MMRN1: variants seen among roughly 807,000 people sequenced by gnomAD.
MMRN1 encodes the protein multimerin 1.
A neutral mutation model predicts 100.7 loss-of-function variants in MMRN1; 94 were observed. The observed-to-expected ratio is 0.93, with a 90% CI of 0.79 to 1.11. MMRN1 has a LOEUF of 1.11. Among genes scored for constraint, MMRN1 ranks in the 50% least tolerant of loss-of-function variants. The probability of loss-of-function intolerance (pLI) is 0.00; values close to 1 mark genes in which losing one functional copy is unlikely to be tolerated. For synonymous variants in MMRN1, 575 were observed against 505.0 expected, an observed-to-expected ratio of 1.14 and a Z score of -1.86; for missense variants, 1,606 against 1,439.1, an observed-to-expected ratio of 1.12 and a Z score of -1.88.
In MMRN1 at chr4:89,952,986, T is replaced by C; in HGVS notation, c.3266-11T>C. On this transcript the variant is annotated splice_polypyrimidine_tract_variant and intron_variant, in intron 7 of 7. Transcript: ENST00000264790. ...ATGAAAATTAACTCTTGCCATTTTT[T>C]CCTCTAACAGATTTTTCCAAAGGAT... 2 of 1,550,732 alleles carry C rather than the reference T, an allele frequency of 1.3e-6. No individual in the cohort carries two copies. The highest frequency in any genetic ancestry group is 1.7e-6 in the Non-Finnish European group (2 of 1,150,366).
At chr4:89,949,480 A>G (rs914561903) in intron 6 of MMRN1, among the ~76,000 whole-genome samples, 4 of 152,328 alleles carry the variant, frequency 2.6e-5, no homozygotes, top group South Asian at 2.1e-4. Flanking sequence ...TCACATTACT[A>G]TAAGTAATGA....
intron 1 of MMRN1, among the ~76,000 whole-genome samples, chr4:89,882,522 T>C (rs567424174): frequency 1.3e-5 from 2 of 151,986 alleles, no homozygotes; most frequent in Non-Finnish European, 2.9e-5. Context: ...AATGCTCTTT[T>C]GCATTTTTTT....
At chr4:89,926,048 T>C (rs1176296074) in intron 4 of MMRN1, among the ~76,000 whole-genome samples, 1 of 152,222 alleles carries the variant, frequency 6.6e-6, no homozygotes, top group Admixed American at 6.5e-5. Flanking sequence ...GTATGTTTCT[T>C]CCATATCTTG....
At chr4:89,929,493 A>G (rs944571252) in intron 5 of MMRN1, among the ~76,000 whole-genome samples, 3 of 152,174 alleles carry the variant, frequency 2.0e-5, no homozygotes, top group Admixed American at 1.3e-4. Context: ...AAGTGACAGC[A>G]TGAGAAAGAA....
Position 89,953,410 on chromosome 4 carries a change from C to T in MMRN1, c.3679C>T (p.Arg1227Cys), listed in dbSNP as rs775134893. Residue 1227 changes from arginine (R) to cysteine (C), a missense_variant, in exon 8 of 8, where the codon CGT (arginine) becomes TGT (cysteine). Coordinates refer to ENST00000264790, the MANE Select transcript of MMRN1 (RefSeq NM_007351.3). ...VTTFSGYLLY[R>C]T ...TACATTTAGTGGCTATTTATTATAT[C>T]GTACATAAGTTAGTATGAAAAACAG... 7.4e-5 allele frequency: 117 copies of T among 1,589,508 alleles called. 2 individuals are homozygous for T. The East Asian group carries it at 8.5e-4, about 12-fold the overall frequency.
At chr4:89,893,077 G>A (rs891680751), upstream of MMRN1, among the ~76,000 whole-genome samples, 1 of 151,874 alleles carries the variant, frequency 6.6e-6, no homozygotes, top group African/African-American at 2.4e-5. Flanking sequence ...ACACTGTAAA[G>A]CCTTTTTCTT....
intron 3 of MMRN1, among the ~76,000 whole-genome samples, chr4:89,921,808 T>C (rs1722097991): frequency 6.6e-6 from 1 of 152,126 alleles, no homozygotes; most frequent in Non-Finnish European, 1.5e-5. Context: ...TCTAACAATA[T>C]AGACTCACCC....
rs1244152688 is a variant in MMRN1, at chr4:89,935,709, AAGAT to A, written c.2033_2036del (p.Ile678LysfsTer3). On this transcript the variant is annotated frameshift_variant, in exon 6 of 8. Transcript: ENST00000264790. LOFTEE classifies it high-confidence loss of function. ...AAAGGAAGCAATAGTGATAAGGAAA[AAGAT>A]AGAAAATCTGACTAGTGCTGTCAAT... 5 of 1,611,978 alleles carry A rather than the reference AAGAT, an allele frequency of 3.1e-6. No individual in the cohort carries two copies. The African/African-American group carries it at 5.3e-5, about 17-fold the overall frequency.
intron 6 of MMRN1, among the ~76,000 whole-genome samples, chr4:89,948,117 G>T (rs1379299497): frequency 6.6e-6 from 1 of 152,178 alleles, no homozygotes; most frequent in Non-Finnish European, 1.5e-5. Flanking sequence ...CTCCCAAAGT[G>T]CTAGGATTAC....
rs1203589861 is a variant in MMRN1, at chr4:89,927,840, A to C, written c.1001A>C (p.Lys334Thr). The C allele has an allele frequency of 6.2e-7, 1 of 1,612,574 alleles. No homozygotes were observed. Among genetic ancestry groups the C allele is most frequent in the Non-Finnish European group, 8.5e-7 (1 of 1,179,324 alleles). Residue 334 changes from lysine (K) to threonine (T), a missense_variant, in exon 5 of 8, where the codon AAA becomes ACA. Transcript: ENST00000264790. ...MTDQVNYQAM[K>T]LTLLQKKIDN... Reference sequence around the variant, plus strand: ...GATCAGGTGAACTACCAGGCAATGAAACTGACTCTTCTGCAGAAGAAGATT... The same window carrying C: ...GATCAGGTGAACTACCAGGCAATGACACTGACTCTTCTGCAGAAGAAGATT...
chr4:89,921,505 G>C (rs1722087410), intron 3 of MMRN1, among the ~76,000 whole-genome samples: 1 of 152,076 alleles, frequency 6.6e-6, no homozygotes, highest in Non-Finnish European at 1.5e-5. Context: ...ATGATTAAAT[G>C]GTTGTATCTG....
In MMRN1 at chr4:89,953,321, A is replaced by G; in HGVS notation, c.3590A>G (p.Tyr1197Cys). The change falls in exon 8 of 8, where the codon TAT (tyrosine) becomes TGT (cysteine). Residue 1197 changes from tyrosine to cysteine, a missense_variant. Physicochemically the swap from Tyr to Cys is radical, Grantham distance 194. Coordinates refer to ENST00000264790, the MANE Select transcript of MMRN1 (RefSeq NM_007351.3). ...LTGDALLELN[Y>C]GQEVWLRLAK... is the part of the protein sequence containing the mutation. ...GGGGATGCCTTATTAGAATTAAATT[A>G]TGGGCAGGAAGTCTGGTTACGACTT... 6.2e-7 allele frequency: 1 copy of G among 1,613,856 alleles called. No individual in the cohort carries two copies. The highest frequency in any genetic ancestry group is 8.5e-7 in the Non-Finnish European group (1 of 1,179,810).
chr4:89,935,289 T>A lies in MMRN1; in HGVS notation c.1609T>A (p.Ser537Thr). The A allele has an allele frequency of 6.2e-7, 1 of 1,613,704 alleles. No homozygotes were observed. The highest frequency in any genetic ancestry group is 8.5e-7 in the Non-Finnish European group (1 of 1,179,784). Residue 537 changes from serine (S) to threonine (T), a missense_variant, in exon 6 of 8, where the codon TCA (serine) becomes ACA (threonine). Ser to Thr is a moderately conservative substitution (Grantham distance 58). Transcript: ENST00000264790. The stretch of plus-strand genomic sequence containing the variant: ...CCAGAAGAATGCTCCAGCTGCTGAG[T>A]CAGTTAGCAATAATGTCACTGAGTA... ...SDQKNAPAAE[S>T]VSNNVTEYMS...
At position 89,935,159 on chromosome 4, in the gene MMRN1, A is replaced by G. The variant is rs780710341; in HGVS notation, c.1479A>G (p.Glu493=). Reference sequence around the variant, plus strand: ...AGACTCATTTAGAAGGTGCTCTAGAACAGGAACACTCAAGAAGCATTCTGT... The same window carrying G: ...AGACTCATTTAGAAGGTGCTCTAGAGCAGGAACACTCAAGAAGCATTCTGT... ...VKQTHLEGAL[E]QEHSRSILYY... The change falls in exon 6 of 8, where the codon GAA becomes GAG. Residue 493 remains glutamate, a synonymous_variant. Transcript: ENST00000264790. 1 of 1,613,460 alleles carries G rather than the reference A, an allele frequency of 6.2e-7. No individual in the cohort carries two copies. The highest frequency in any genetic ancestry group is 8.5e-7 in the Non-Finnish European group (1 of 1,179,686).
intron 1 of MMRN1, among the ~76,000 whole-genome samples, chr4:89,899,563 T>G (rs1166577914): frequency 6.6e-6 from 1 of 152,092 alleles, no homozygotes; most frequent in East Asian, 1.9e-4. Flanking sequence ...GGCCTACCAA[T>G]TGTGAATGGG....
At chr4:89,940,526 A>C (rs1366013569) in intron 6 of MMRN1, among the ~76,000 whole-genome samples, 1 of 152,134 alleles carries the variant, frequency 6.6e-6, no homozygotes, top group South Asian at 2.1e-4. Context: ...AACCATTTCT[A>C]AATTTTGTGA....
At chr4:89,930,161 G>A (rs879840475) in intron 5 of MMRN1, among the ~76,000 whole-genome samples, 11 of 152,134 alleles carry the variant, frequency 7.2e-5, no homozygotes, top group African/African-American at 2.7e-4. Flanking sequence ...ACTTTGACAT[G>A]TTCTTGGGAA....
At position 89,953,403 on chromosome 4, in the gene MMRN1, A is replaced by G. The variant is rs765286109; in HGVS notation, c.3672A>G (p.Leu1224=). 2 of 1,605,184 alleles carry G rather than the reference A, an allele frequency of 1.2e-6. No homozygotes were observed. The highest frequency in any genetic ancestry group is 1.1e-5 in the South Asian group (1 of 89,440). The change falls in exon 8 of 8, where the codon TTA becomes TTG. Residue 1224 remains leucine (L), a synonymous_variant. Transcript: ENST00000264790. ...CTGTTACTACATTTAGTGGCTATTT[A>G]TTATATCGTACATAAGTTAGTATGA... ...FPPVTTFSGY[L]LYRT
At position 89,951,642 on chromosome 4, in the gene MMRN1, T is replaced by G. The variant is rs756553559; in HGVS notation, c.3156T>G (p.Asn1052Lys). Residue 1052 changes from asparagine to lysine, a missense_variant, in exon 7 of 8, where the codon AAT becomes AAG. By Grantham distance (94) the Asn-to-Lys change is moderately conservative. Transcript: ENST00000264790. ...GCTGTAGTCGGCATCCGTGCCAAAA[T>G]GGGGGCACGTGCATAAATGGAAGAA... Reference protein sequence around the residue: ...YSSCSRHPCQNGGTCINGRTS... With the variant: ...YSSCSRHPCQKGGTCINGRTS... The G allele has an allele frequency of 6.5e-7, 1 of 1,549,528 alleles. No individual in the cohort carries two copies. Among genetic ancestry groups the G allele is most frequent in the African/African-American group, 1.4e-5 (1 of 70,408 alleles).
Sources: allele counts gnomAD v4.1 joint callset (sites outside exome capture counted in the v4.1 genomes callset), GRCh38; gene constraint gnomAD v4.1.1; transcripts MANE v1.5; gene names NCBI Gene and HGNC (gene_info 2026-07-23, HGNC 2026-07-21).